The following APBA2 variants were observed in gnomAD, a reference collection of about 807,000 sequenced individuals.
APBA2 encodes amyloid-beta A4 precursor protein-binding family A member 2.
Under a neutral mutation model 75.0 loss-of-function variants are expected in APBA2, and 30 were observed. The ratio of observed to expected loss-of-function variants is 0.40; its 90% CI spans 0.30 to 0.54. The LOEUF (loss-of-function observed/expected upper bound fraction) is 0.54. Ranked by LOEUF, APBA2 falls within the 20% of genes least tolerant of loss-of-function variation. APBA2 has a pLI of 0.49. For missense variants in APBA2, 801 were observed against 1,016.1 expected, an observed-to-expected ratio of 0.79 and a Z score of 2.88; for synonymous variants, 444 against 409.6, an observed-to-expected ratio of 1.08 and a Z score of -1.01.
intron 1 of APBA2, among the ~76,000 whole-genome samples, chr15:28,907,050 G>A (rs987595072): frequency 1.3e-5 from 2 of 152,128 alleles, no homozygotes; most frequent in Non-Finnish European, 2.9e-5. Context: ...ATCTTACTTA[G>A]AGAAAGGGTT....
At chr15:29,103,554 G>A (rs920120271) in intron 10 of APBA2, among the ~76,000 whole-genome samples, 2 of 152,234 alleles carry the variant, frequency 1.3e-5, no homozygotes, top group Non-Finnish European at 2.9e-5. Flanking sequence ...ACGGGGAGGC[G>A]GCGGCTGGCG....
In APBA2 at chr15:28,948,590, T is replaced by C. The variant is rs372268070; in HGVS notation, c.-95+26841T>C. 1.1e-4 allele frequency among the ~76,000 whole-genome samples: 16 copies of C among 152,360 alleles called. 1 individual carries two copies. In the East Asian group the frequency reaches 2.3e-3, roughly 22 times the overall value. ...CAGAGCCACAGCCTTTGCTTACGGC[T>C]ACGCCCTGGAATATTTAACAGCAAT... On this transcript the variant is annotated intron_variant, in intron 2 of 14. Coordinates refer to ENST00000683413, the MANE Select transcript of APBA2 (RefSeq NM_001353788.2).
chr15:29,062,303 G>A (rs1326615993), intron 4 of APBA2, among the ~76,000 whole-genome samples: 2 of 152,178 alleles, frequency 1.3e-5, no homozygotes, highest in Non-Finnish European at 2.9e-5. Flanking sequence ...TGTGTCCCCT[G>A]TCGTCTGTAC....
At chr15:29,018,831 G>A (rs1435904673) in intron 3 of APBA2, among the ~76,000 whole-genome samples, 1 of 152,180 alleles carries the variant, frequency 6.6e-6, no homozygotes, top group Non-Finnish European at 1.5e-5. Context: ...CCTGAGAGAG[G>A]TGGCCGGAAC....
chr15:28,957,870 C>G (rs1048338874), intron 2 of APBA2, among the ~76,000 whole-genome samples: 2 of 152,184 alleles, frequency 1.3e-5, no homozygotes, highest in African/African-American at 4.8e-5. Context: ...GTGCCATCCC[C>G]AAGGCAGAAG....
At chr15:29,056,570 C>T (rs1206519889) in intron 4 of APBA2, among the ~76,000 whole-genome samples, 4 of 28,196 alleles carry the variant, frequency 1.4e-4, no homozygotes, top group Non-Finnish European at 2.3e-4. Flanking sequence ...TCCTCCCTTC[C>T]TCCCTTCCTC....
At chr15:29,012,596 T>G (rs1231132873) in intron 3 of APBA2, among the ~76,000 whole-genome samples, 1 of 152,234 alleles carries the variant, frequency 6.6e-6, no homozygotes, top group Non-Finnish European at 1.5e-5. Context: ...TCTCATTCAT[T>G]TATTTATATT....
intron 3 of APBA2, among the ~76,000 whole-genome samples, chr15:29,002,928 T>A (rs915232355): frequency 1.7e-4 from 26 of 152,162 alleles, no homozygotes; most frequent in Non-Finnish European, 1.5e-4. Flanking sequence ...TGAATATACA[T>A]TTCTGCGAGA....
chr15:28,927,214 T>C (rs566681822), intron 2 of APBA2, among the ~76,000 whole-genome samples: 2 of 152,216 alleles, frequency 1.3e-5, no homozygotes, highest in South Asian at 2.1e-4. Context: ...GTAATTCTTA[T>C]CTTTACCCCT....
intron 2 of APBA2, among the ~76,000 whole-genome samples, chr15:28,975,223 G>T (rs942574097): frequency 2.9e-5 from 4 of 139,470 alleles, no homozygotes; most frequent in Admixed American, 6.8e-5. Flanking sequence ...AATTCCTACT[G>T]GAAAAAAATT....
At chr15:29,093,481 C>G (rs930898008) in intron 7 of APBA2, among the ~76,000 whole-genome samples, 5 of 152,226 alleles carry the variant, frequency 3.3e-5, no homozygotes, top group Non-Finnish European at 7.3e-5. Flanking sequence ...ATCATCGTTC[C>G]AAAGCATTCT....
intron 1 of APBA2, 95 bp from the exon 2 acceptor site, chr15:28,921,545 C>G (rs74648832): frequency 2.0e-5 from 3 of 152,324 alleles, no homozygotes; most frequent in Admixed American, 6.5e-5. Flanking sequence ...TGTGGCCCAT[C>G]GTTGCCATCC....
At position 28,918,399 on chromosome 15, in the gene APBA2, T is replaced by G. The variant is rs1394435872; in HGVS notation, c.-204-3241T>G. Among the ~76,000 whole-genome samples, 2 of 152,110 alleles carry G rather than the reference T, an allele frequency of 1.3e-5. No individual in the cohort carries two copies. Among genetic ancestry groups the G allele is most frequent in the Non-Finnish European group, 2.9e-5 (2 of 68,018 alleles). On this transcript the variant is annotated intron_variant, in intron 1 of 14. Transcript: ENST00000683413. The surrounding 1 kb of genome is among the most constrained non-coding windows in gnomAD (Gnocchi z 4.2). ...AAGGGAGAGGGACACAGGAGCAGCC[T>G]TGATGCGCAACGCCCCCTCCAGGCC...
chr15:29,005,568 A>T (rs1265494833), intron 3 of APBA2, among the ~76,000 whole-genome samples: 19 of 152,112 alleles, frequency 1.2e-4, no homozygotes, highest in Admixed American at 1.2e-3. Flanking sequence ...GCTGCTTTTT[A>T]AATAAAAACT....
At position 28,918,118 on chromosome 15, in the gene APBA2, G is replaced by A. The variant is rs540748422; in HGVS notation, c.-204-3522G>A. Among the ~76,000 whole-genome samples, 3 of 152,198 alleles carry A rather than the reference G, an allele frequency of 2.0e-5. No individual in the cohort carries two copies. Among genetic ancestry groups the A allele is most frequent in the Admixed American group, 6.5e-5 (1 of 15,288 alleles). On this transcript the variant is annotated intron_variant, in intron 1 of 14. Transcript: ENST00000683413. The surrounding 1 kb of genome is among the most constrained non-coding windows in gnomAD (Gnocchi z 4.2). ...CTGAGCACTTGGGAGGCATAGGCTC[G>A]GCGGGAAGGGAAGGCCTGCAGGCTG... is the stretch of plus-strand genomic sequence containing the variant.
intron 14 of APBA2, among the ~76,000 whole-genome samples, chr15:29,116,479 T>C (rs940059228): frequency 6.6e-6 from 1 of 151,764 alleles, no homozygotes; most frequent in Non-Finnish European, 1.5e-5. Context: ...TACAAAAAAA[T>C]TCGCTGGGTG....
intron 1 of APBA2, among the ~76,000 whole-genome samples, chr15:28,898,054 G>A (rs972748716): frequency 1.3e-5 from 2 of 152,160 alleles, no homozygotes; most frequent in Non-Finnish European, 2.9e-5. Context: ...CACAGCTCAG[G>A]GAGCACCGGC....
chr15:29,085,524 C>CAAAAAAAA (rs777850421), intron 6 of APBA2, among the ~76,000 whole-genome samples: 1 of 57,124 alleles, frequency 1.8e-5, no homozygotes, highest in Non-Finnish European at 4.2e-5. Flanking sequence ...GACTCCATCT[C>CAAAAAAAA]AAAAAAAAAA....
At chr15:28,944,175 G>A (rs76807830) in intron 2 of APBA2, among the ~76,000 whole-genome samples, 2,695 of 152,232 alleles carry the variant, frequency 0.018, 75 homozygotes, top group African/African-American at 0.061. Flanking sequence ...TGTCTCTTCC[G>A]AAAGAGACAT....
Sources: gnomAD v4.1 joint callset for allele counts (sites outside exome capture counted in the v4.1 genomes callset) on GRCh38, gnomAD v4.1.1 for gene constraint, Gnocchi (gnomAD v3.1) non-coding constraint, MANE v1.5 for transcripts, NCBI Gene and HGNC (gene_info 2026-07-23, HGNC 2026-07-21) for gene names.